The following CDH23 variants were observed in gnomAD, a reference collection of about 807,000 sequenced individuals.
The protein encoded by CDH23 is cadherin-23.
A neutral mutation model predicts 317.1 loss-of-function variants in CDH23; 189 were observed. The ratio of observed to expected loss-of-function variants is 0.60; its 90% CI spans 0.53 to 0.67. CDH23 has a LOEUF of 0.67. Ranked by LOEUF, CDH23 falls within the 30% of genes least tolerant of loss-of-function variation. The pLI is 0.00. For synonymous variants in CDH23, 1,839 were observed against 1,876.8 expected, an observed-to-expected ratio of 0.98 and a Z score of 0.52; for missense variants, 4,401 against 4,592.4, an observed-to-expected ratio of 0.96 and a Z score of 1.20.
chr10:71,556,094 G>T (rs1856860503), intron 6 of CDH23, among the ~76,000 whole-genome samples: 2 of 152,238 alleles, frequency 1.3e-5, no homozygotes, highest in African/African-American at 4.8e-5. Context: ...TTTGGGGCTG[G>T]CACATAGAAT....
rs1187008343 is a variant in CDH23, at chr10:71,793,296, G to T, written c.6368G>T (p.Gly2123Val). ...CGCTTCCTCATTCATCTGGTCACCGGGGTCATCCGTGTTGGTAATGCCACC... is the reference window on the plus strand; with the variant it reads ...CGCTTCCTCATTCATCTGGTCACCGTGGTCATCCGTGTTGGTAATGCCACC... Reference protein sequence around the residue: ...QDRFLIHLVTGVIRVGNATID... With the variant: ...QDRFLIHLVTVVIRVGNATID... The change falls in exon 48 of 70, where the codon GGG becomes GTG. Residue 2123 changes from glycine (G) to valine (V), a missense_variant. Around this residue, in one of 3 missense-constraint regions of CDH23, gnomAD observed 3,068 missense variants for 3,203.3 expected, o/e 0.96. Transcript: ENST00000224721. 14 of 1,613,980 alleles carry T rather than the reference G, an allele frequency of 8.7e-6. No individual in the cohort carries two copies. The highest frequency in any genetic ancestry group is 1.2e-5 in the Non-Finnish European group (14 of 1,179,894).
At chr10:71,707,070 C>A in intron 26 of CDH23, 21 bp downstream of exon 26, 1 of 1,591,614 alleles carries the variant, frequency 6.3e-7, no homozygotes, top group Non-Finnish European at 8.6e-7. Flanking sequence ...GGCCTCCGCC[C>A]ACCTGTGCAG....
At chr10:71,596,791 AG>A (rs768769907) in intron 9 of CDH23, among the ~76,000 whole-genome samples, 1 of 152,098 alleles carries the variant, frequency 6.6e-6, no homozygotes, top group Non-Finnish European at 1.5e-5. Context: ...CGTGTTGGGC[AG>A]GGGGGAGCAC....
intron 38 of CDH23, chr10:71,762,165 C>T: frequency 9.8e-7 from 1 of 1,018,608 alleles, no homozygotes; most frequent in Non-Finnish European, 1.4e-6. Flanking sequence ...CTAAGACTGC[C>T]TTCTGCATTT....
intron 6 of CDH23, among the ~76,000 whole-genome samples, chr10:71,520,149 A>T (rs1179832878): frequency 1.3e-5 from 2 of 152,296 alleles, no homozygotes; most frequent in East Asian, 3.9e-4. Flanking sequence ...TGAGAACTTC[A>T]GGAAAGTTGC....
At chr10:71,620,588 T>C (rs781319008) in intron 11 of CDH23, among the ~76,000 whole-genome samples, 2 of 152,172 alleles carry the variant, frequency 1.3e-5, no homozygotes, top group Admixed American at 6.5e-5. Flanking sequence ...GGCTCAGCCA[T>C]TGGCACACCC....
chr10:71,540,139 G>C (rs1435614994), intron 6 of CDH23, among the ~76,000 whole-genome samples: 1 of 152,184 alleles, frequency 6.6e-6, no homozygotes, highest in South Asian at 2.1e-4. Flanking sequence ...ATGTTAAGCC[G>C]TCAGGCAGTA....
chr10:71,535,165 G>A (rs768944781), intron 6 of CDH23, among the ~76,000 whole-genome samples: 10 of 152,276 alleles, frequency 6.6e-5, no homozygotes, highest in Middle Eastern at 3.2e-3. Flanking sequence ...AAAGACAGCA[G>A]TAGGACTGAA....
In CDH23 at chr10:71,619,501, A is replaced by G. The variant is rs535695597; in HGVS notation, c.1134+2108A>G. ...ACTGTATGAATGAGATGCTCAGAAG[A>G]AAGTCCCATCTGTGGTTTCAGGAGA... On this transcript the variant is annotated intron_variant, in intron 11 of 69. Transcript: ENST00000224721. Among the ~76,000 whole-genome samples, 15 of 152,348 alleles carry G rather than the reference A, an allele frequency of 9.8e-5. No homozygotes were observed. In the South Asian group the frequency reaches 2.9e-3, roughly 29 times the overall value.
intron 3 of CDH23, among the ~76,000 whole-genome samples, chr10:71,473,924 G>T (rs1363279284): frequency 6.6e-6 from 1 of 152,224 alleles, no homozygotes; most frequent in East Asian, 1.9e-4. Flanking sequence ...AGCTGACAAG[G>T]ATGATAATGC....
At chr10:71,582,958 G>A (rs920006606) in intron 9 of CDH23, among the ~76,000 whole-genome samples, 6 of 152,206 alleles carry the variant, frequency 3.9e-5, no homozygotes, top group Non-Finnish European at 7.3e-5. Flanking sequence ...CTCCCTGGGG[G>A]CCTGTTAGAC....
At chr10:71,408,183 C>T (rs1402584140) in intron 1 of CDH23, among the ~76,000 whole-genome samples, 2 of 152,078 alleles carry the variant, frequency 1.3e-5, no homozygotes, top group Non-Finnish European at 2.9e-5. Context: ...AATTTGACAT[C>T]CATCTTTTTT....
At chr10:71,792,677 C>T in intron 47 of CDH23, among the ~76,000 whole-genome samples, 1 of 151,100 alleles carries the variant, frequency 6.6e-6, no homozygotes, top group Non-Finnish European at 1.5e-5. Context: ...AAAAAATTAG[C>T]CAGGCATGGT....
intron 6 of CDH23, among the ~76,000 whole-genome samples, chr10:71,515,265 A>G (rs1030946962): frequency 4.0e-5 from 6 of 151,560 alleles, no homozygotes; most frequent in African/African-American, 1.5e-4. Context: ...ACCTTTCCCA[A>G]CTTATTTTTC....
Position 71,510,234 on chromosome 10 carries a change from GC to G in CDH23, c.288+13del, listed in dbSNP as rs765043073. 1.2e-6 allele frequency: 2 copies of G among 1,612,108 alleles called. No individual in the cohort carries two copies. Among genetic ancestry groups the G allele is most frequent in the African/African-American group, 2.7e-5 (2 of 75,004 alleles). ...GCCACTGGACAGAGAGGTATGACTT[GC>G]CCATACCCCTGCCCCAATTCTCTCC... On this transcript the variant is annotated intron_variant, in intron 4 of 69. Transcript: ENST00000224721.
At chr10:71,596,232 C>T (rs1247067429) in intron 9 of CDH23, among the ~76,000 whole-genome samples, 1 of 152,138 alleles carries the variant, frequency 6.6e-6, no homozygotes, top group Non-Finnish European at 1.5e-5. Context: ...GGATGTCATG[C>T]AAGGCCCTCT....
rs944733627 is a variant in CDH23, at chr10:71,715,932, C to T, written c.3369+3119C>T. The T allele has an allele frequency of 1.6e-5, 23 of 1,457,978 alleles. 1 individual carries two copies. In the Middle Eastern group the frequency reaches 5.4e-4, roughly 34 times the overall value. The allele number at this position is 1,457,978 out of a possible 1,614,324, so 90.3% of individuals were successfully genotyped here. ...GATGTGGGGGCATGTTTGTGGACAC[C>T]CCATTACATCTTGGTAGATTCCATG... On this transcript the variant is annotated intron_variant, in intron 28 of 69. Transcript: ENST00000224721.
intron 17 of CDH23, among the ~76,000 whole-genome samples, chr10:71,680,622 C>T (rs1458568211): frequency 6.6e-6 from 1 of 151,504 alleles, no homozygotes; most frequent in Non-Finnish European, 1.5e-5. Flanking sequence ...GTGGTGTGCA[C>T]CTGTAATCCC....
chr10:71,527,700 G>T (rs1855119407), intron 6 of CDH23, among the ~76,000 whole-genome samples: 2 of 152,192 alleles, frequency 1.3e-5, no homozygotes, highest in Admixed American at 6.5e-5. Context: ...GCCTGGGTAT[G>T]AATTCTGACC....
Sources: gnomAD v4.1 joint callset for allele counts (sites outside exome capture counted in the v4.1 genomes callset) on GRCh38, gnomAD v4.1.1 for gene constraint, gnomAD v4.1.1 regional missense constraint, MANE v1.5 for transcripts, NCBI Gene and HGNC (gene_info 2026-07-23, HGNC 2026-07-21) for gene names.